ADGRA3: variants seen among roughly 807,000 people sequenced by gnomAD.
The protein encoded by ADGRA3 is adhesion G protein-coupled receptor A3.
In ADGRA3, 56 loss-of-function variants were observed where a neutral mutation model predicts 119.8. The observed-to-expected ratio is 0.47, with a 90% CI of 0.38 to 0.58. The LOEUF (loss-of-function observed/expected upper bound fraction) is 0.58, where lower values mean the gene tolerates loss of function less well. Among genes scored for constraint, ADGRA3 ranks in the 20% least tolerant of loss-of-function variants. The pLI is 0.00. For missense variants in ADGRA3, 1,516 were observed against 1,649.0 expected, an observed-to-expected ratio of 0.92 and a Z score of 1.40; for synonymous variants, 607 against 623.8, an observed-to-expected ratio of 0.97 and a Z score of 0.40.
rs762360800 is a variant in ADGRA3, at chr4:22,402,791, C to A, written c.2241G>T (p.Thr747=). Residue 747 remains threonine, a synonymous_variant, in exon 15 of 19, where the codon ACG becomes ACT. Transcript: ENST00000334304. Reference sequence around the variant, plus strand: ...CCGCCTGGGTGTATAGTTCAGATCCCGTCAAATCCTGAGGGCAAAAAGAAA... The same window carrying A: ...CCGCCTGGGTGTATAGTTCAGATCCAGTCAAATCCTGAGGGCAAAAAGAAA... ...LSNYAVLMDL[T]GSELYTQAAS... 4 of 1,608,758 alleles carry A rather than the reference C, an allele frequency of 2.5e-6. No homozygotes were observed. The highest frequency in any genetic ancestry group is 3.4e-6 in the Non-Finnish European group (4 of 1,178,474).
intron 7 of ADGRA3, among the ~76,000 whole-genome samples, chr4:22,438,792 C>T (rs1180817585): frequency 6.6e-6 from 1 of 152,014 alleles, no homozygotes. Flanking sequence ...AAGACCAGCC[C>T]AGCCTTCAAG....
intron 2 of ADGRA3, among the ~76,000 whole-genome samples, chr4:22,466,490 G>A (rs1717663229): frequency 6.6e-6 from 1 of 152,160 alleles, no homozygotes; most frequent in African/African-American, 2.4e-5. Flanking sequence ...ACTTTGGGAG[G>A]CCGAGGCAGG....
At chr4:22,427,155 T>C (rs1321438361) in intron 10 of ADGRA3, among the ~76,000 whole-genome samples, 2 of 152,202 alleles carry the variant, frequency 1.3e-5, no homozygotes, top group Non-Finnish European at 2.9e-5. Flanking sequence ...ATATGCTTTA[T>C]GGCTAACAAA....
At position 22,387,615 on chromosome 4, in the gene ADGRA3, G is replaced by C. The variant is rs561450332; in HGVS notation, c.*90C>G. Reference sequence around the variant, plus strand: ...TTCCAAATTCTTTTGAATCCCTATGGTGGCTGTAAACAGTTTTTAAATGCT... The same window carrying C: ...TTCCAAATTCTTTTGAATCCCTATGCTGGCTGTAAACAGTTTTTAAATGCT... On this transcript the variant is annotated 3_prime_UTR_variant, in exon 19 of 19. Transcript: ENST00000334304. The C allele has an allele frequency of 7.9e-7, 1 of 1,261,234 alleles. No homozygotes were observed. The highest frequency in any genetic ancestry group is 1.1e-6 in the Non-Finnish European group (1 of 921,382). The allele number at this position is 1,261,234 out of a possible 1,614,324, so 78.1% of individuals were successfully genotyped here. A position where few individuals can be genotyped will look rare whatever the true frequency, so the allele number is the denominator to read the frequency against.
At position 22,387,483 on chromosome 4, in the gene ADGRA3, G is replaced by T. The variant is rs1303727519; in HGVS notation, c.*222C>A. The T allele has an allele frequency of 6.7e-6, 3 of 449,890 alleles. No individual in the cohort carries two copies. The highest frequency in any genetic ancestry group is 1.2e-5 in the Non-Finnish European group (3 of 254,034). The allele number at this position is 449,890 out of a possible 1,614,324, so 27.9% of individuals were successfully genotyped here. ...TTTCACATCCCAAAATGTCCTGTTG[G>T]TGCTTTGACAACTAAAACAATGTTT... On this transcript the variant is annotated 3_prime_UTR_variant, in exon 19 of 19. Transcript: ENST00000334304.
In ADGRA3 at chr4:22,406,240, G is replaced by A. The variant is rs999023042; in HGVS notation, c.2233-3441C>T. Among the ~76,000 whole-genome samples, 4 of 152,184 alleles carry A rather than the reference G, an allele frequency of 2.6e-5. No individual in the cohort carries two copies. The East Asian group carries it at 7.7e-4, about 29-fold the overall frequency. On this transcript the variant is annotated intron_variant, in intron 14 of 18. Transcript: ENST00000334304. ...GTTGATGGACTGATGGACACTTAAC[G>A]TTGATTGTTTATCTTGGCTATCGTG...
intron 5 of ADGRA3, 34 bp from the exon 6 acceptor site, chr4:22,445,167 T>C (rs766808738): frequency 6.3e-7 from 1 of 1,597,972 alleles, no homozygotes; most frequent in Admixed American, 1.7e-5. Context: ...GAGATTATAG[T>C]GAATAAAATT....
chr4:22,449,587 C>T (rs1716957569), intron 4 of ADGRA3, among the ~76,000 whole-genome samples: 1 of 152,128 alleles, frequency 6.6e-6, no homozygotes, highest in South Asian at 2.1e-4. Context: ...GTGGCCCACA[C>T]TTGTAATCCA....
In ADGRA3 at chr4:22,515,653, C is replaced by T. The variant is rs774948198; in HGVS notation, c.132G>A (p.Lys44=). The T allele has an allele frequency of 4.5e-6, 6 of 1,335,026 alleles. No homozygotes were observed. Among genetic ancestry groups the T allele is most frequent in the East Asian group, 3.2e-5 (1 of 30,994 alleles). 82.7% of individuals were successfully genotyped at this position (1,335,026 alleles called of 1,614,324 possible). The change falls in exon 1 of 19, where the codon AAG becomes AAA. Residue 44 remains lysine, a synonymous_variant. Transcript: ENST00000334304. ...CAGCCCCTCGGGGCCGCCCATCGTG[C>T]TTGCAGCCGGCGGGCAGCGCCGCGG... ...GGAAALPAGC[K]HDGRPRGAGR... is the part of the protein sequence containing the mutation.
rs1484819280 is a variant in ADGRA3 at position 22,424,316 on chromosome 4, T to C, written c.1480A>G (p.Met494Val). Residue 494 changes from methionine (M) to valine (V), a missense_variant, in exon 11 of 19, where the codon ATG becomes GTG. Transcript: ENST00000334304. Reference sequence around the variant, plus strand: ...CACAGGACACGTTCATCAGCCAACATGATGTTACTTGCAATGTCAACCATC... The same window carrying C: ...CACAGGACACGTTCATCAGCCAACACGATGTTACTTGCAATGTCAACCATC... ...DVMVDIASNI[M>V]LADERVLWLA... The C allele has an allele frequency of 6.2e-6, 10 of 1,613,770 alleles. No homozygotes were observed. The highest frequency in any genetic ancestry group is 8.5e-6 in the Non-Finnish European group (10 of 1,179,846).
At chr4:22,461,399 C>T (rs1717446905) in intron 3 of ADGRA3, among the ~76,000 whole-genome samples, 1 of 152,226 alleles carries the variant, frequency 6.6e-6, no homozygotes, top group African/African-American at 2.4e-5. Flanking sequence ...TTCCCAGGTT[C>T]CAGTGATTCT....
intron 8 of ADGRA3, among the ~76,000 whole-genome samples, chr4:22,437,771 A>G (rs1716453184): frequency 6.6e-6 from 1 of 152,144 alleles, no homozygotes; most frequent in Non-Finnish European, 1.5e-5. Flanking sequence ...TTCTTGCTTG[A>G]TTTCCAGAAG....
intron 10 of ADGRA3, among the ~76,000 whole-genome samples, chr4:22,424,730 T>G (rs533809752): frequency 1.3e-5 from 2 of 152,140 alleles, no homozygotes; most frequent in Non-Finnish European, 2.9e-5. Context: ...TATAAACACT[T>G]CCTTTTTGTG....
At chr4:22,473,918 T>A in intron 1 of ADGRA3, 75 bp from the exon 2 acceptor site, 1 of 863,562 alleles carries the variant, frequency 1.2e-6, no homozygotes, top group Non-Finnish European at 1.8e-6. Context: ...TTATTATGTT[T>A]AAACCTATGA....
At chr4:22,504,725 ACT>A (rs34429011) in intron 1 of ADGRA3, among the ~76,000 whole-genome samples, 16,483 of 151,292 alleles carry the variant, frequency 0.11, 998 homozygotes, top group East Asian at 0.23. Flanking sequence ...TGGCTCCTGT[ACT>A]CTTTCTTCTA....
chr4:22,388,039 A>G lies in ADGRA3; in HGVS notation c.3632T>C (p.Leu1211Pro), dbSNP rs756876606. ...CCTCGAGTGTCCTTCGTTATTGCCC[A>G]GCCGGCTTTTAGGTAAGCCGTTCTG... ...SVQNGLPKSR[L>P]GNNEGHSRSR... The change falls in exon 19 of 19, where the codon CTG (leucine) becomes CCG (proline). Residue 1211 changes from leucine (L) to proline (P), a missense_variant. Physicochemically the swap from Leu to Pro is moderately conservative, Grantham distance 98. Coordinates refer to ENST00000334304, the MANE Select transcript of ADGRA3 (RefSeq NM_145290.4). 2.0e-5 allele frequency: 33 copies of G among 1,614,012 alleles called. No homozygotes were observed. Among genetic ancestry groups the G allele is most frequent in the Non-Finnish European group, 2.6e-5 (31 of 1,180,026 alleles).
intron 2 of ADGRA3, among the ~76,000 whole-genome samples, chr4:22,466,099 A>G (rs966806210): frequency 6.6e-6 from 1 of 152,208 alleles, no homozygotes; most frequent in African/African-American, 2.4e-5. Context: ...TTAAACCTCA[A>G]AAAGATCCAC....
At chr4:22,487,785 A>C (rs1718483052) in intron 1 of ADGRA3, among the ~76,000 whole-genome samples, 1 of 152,190 alleles carries the variant, frequency 6.6e-6, no homozygotes. Context: ...GAAGATGCTT[A>C]CTCAAATTTG....
At chr4:22,413,502 A>G in intron 13 of ADGRA3, 99 bp downstream of exon 13, 2 of 1,389,762 alleles carry the variant, frequency 1.4e-6, no homozygotes, top group South Asian at 1.2e-5. Context: ...CTAGTGACTC[A>G]TTAAAACGAG....
Sources: allele counts gnomAD v4.1 joint callset (sites outside exome capture counted in the v4.1 genomes callset), GRCh38; gene constraint gnomAD v4.1.1; transcripts MANE v1.5; gene names NCBI Gene and HGNC (gene_info 2026-07-23, HGNC 2026-07-21).